The following TCF7L1 variants were observed in gnomAD, a reference collection of about 807,000 sequenced individuals.
The protein encoded by TCF7L1 is transcription factor 7-like 1.
In TCF7L1, 18 loss-of-function variants were observed where a neutral mutation model predicts 63.7. That is an observed-to-expected ratio of 0.28 (90% CI 0.20 to 0.42). The LOEUF is 0.42. Among genes scored for constraint, TCF7L1 ranks in the 10% least tolerant of loss-of-function variants. TCF7L1 has a pLI of 1.00. For missense variants in TCF7L1, 654 were observed against 779.3 expected (o/e 0.84, Z 1.91); for synonymous variants, 355 against 340.9 (o/e 1.04, Z -0.46).
chr2:85,252,344 T>A (rs1001520802), intron 3 of TCF7L1, among the ~76,000 whole-genome samples: 1 of 152,256 alleles, frequency 6.6e-6, no homozygotes, highest in African/African-American at 2.4e-5. Context: ...TTCGCAGGAC[T>A]TGTAGATAAT....
intron 4 of TCF7L1, among the ~76,000 whole-genome samples, chr2:85,286,030 A>G (rs1227771132): frequency 4.6e-5 from 7 of 151,898 alleles, no homozygotes; most frequent in African/African-American, 1.7e-4. Context: ...TGTCTCTACT[A>G]AAAATACAAA....
intron 4 of TCF7L1, among the ~76,000 whole-genome samples, chr2:85,295,964 C>T (rs1681832690): frequency 6.6e-6 from 1 of 151,336 alleles, no homozygotes; most frequent in Non-Finnish European, 1.5e-5. Flanking sequence ...TTTTAGTTGA[C>T]ACAGGATTTC....
At chr2:85,171,205 G>A (rs1261305019) in intron 3 of TCF7L1, among the ~76,000 whole-genome samples, 1 of 152,158 alleles carries the variant, frequency 6.6e-6, no homozygotes, top group Non-Finnish European at 1.5e-5. Context: ...TCACTGTCAC[G>A]TGAACAGCAT....
chr2:85,145,629 G>T (rs1030501467), intron 3 of TCF7L1, among the ~76,000 whole-genome samples: 25 of 152,190 alleles, frequency 1.6e-4, no homozygotes, highest in Non-Finnish European at 2.5e-4. Context: ...GTGTCCTCTA[G>T]CCCTCTGAGC....
intron 3 of TCF7L1, among the ~76,000 whole-genome samples, chr2:85,149,985 C>T (rs1040230300): frequency 3.9e-5 from 6 of 152,162 alleles, no homozygotes; most frequent in Admixed American, 1.3e-4. Context: ...CAAGGACATT[C>T]GCCAAAGTGT....
At chr2:85,197,867 G>A (rs1346371789) in intron 3 of TCF7L1, among the ~76,000 whole-genome samples, 2 of 152,196 alleles carry the variant, frequency 1.3e-5, no homozygotes, top group African/African-American at 4.8e-5. Flanking sequence ...GCAAAGCAGG[G>A]TTCTAGAAGA....
intron 3 of TCF7L1, among the ~76,000 whole-genome samples, chr2:85,258,222 C>A (rs1680767228): frequency 6.6e-6 from 1 of 152,148 alleles, no homozygotes; most frequent in Non-Finnish European, 1.5e-5. Flanking sequence ...TACCCTTAGA[C>A]CTGAGCAGGG....
intron 4 of TCF7L1, among the ~76,000 whole-genome samples, chr2:85,288,256 T>C (rs139654868): frequency 1.1e-3 from 170 of 152,236 alleles, no homozygotes; most frequent in African/African-American, 3.9e-3. Context: ...CCCAAGGATA[T>C]GATTTAATTG....
chr2:85,296,633 G>A (rs1231629969), intron 4 of TCF7L1, among the ~76,000 whole-genome samples: 1 of 152,144 alleles, frequency 6.6e-6, no homozygotes, highest in Non-Finnish European at 1.5e-5. Flanking sequence ...GTTTTAGCAG[G>A]CAGTGATGGT....
At chr2:85,164,365 C>A (rs1678366002) in intron 3 of TCF7L1, among the ~76,000 whole-genome samples, 1 of 152,142 alleles carries the variant, frequency 6.6e-6, no homozygotes, top group South Asian at 2.1e-4. Flanking sequence ...GCCCCTCTTG[C>A]CTAAGATGAA....
intron 5 of TCF7L1, among the ~76,000 whole-genome samples, 156 bp downstream of exon 5, chr2:85,302,772 AT>A (rs1040177250): frequency 4.7e-5 from 7 of 147,534 alleles, no homozygotes; most frequent in Non-Finnish European, 1.0e-4. Context: ...TAGCCTTGTC[AT>A]TTTTTTTTTC....
chr2:85,304,142 C>T, intron 6 of TCF7L1, 113 bp from the exon 7 acceptor site: 1 of 1,300,582 alleles, frequency 7.7e-7, no homozygotes, highest in Non-Finnish European at 1.1e-6. Flanking sequence ...AGCGTGCTCC[C>T]AGCATTACCT....
At chr2:85,141,780 C>A (rs1677745535) in intron 3 of TCF7L1, among the ~76,000 whole-genome samples, 1 of 152,162 alleles carries the variant, frequency 6.6e-6, no homozygotes, top group Non-Finnish European at 1.5e-5. Context: ...GGTGTCCCCC[C>A]AGCTTTAAAG....
intron 4 of TCF7L1, among the ~76,000 whole-genome samples, chr2:85,294,045 T>TTTTTTTTTTC (rs1558658905): frequency 2.2e-4 from 25 of 113,446 alleles, no homozygotes; most frequent in East Asian, 3.3e-4. Flanking sequence ...TTTTTTTTTT[T>TTTTTTTTTTC]TTTTTTTTTG....
rs555240974 is a variant in TCF7L1 at position 85,166,564 on chromosome 2, C to G, written c.441+32114C>G. 5.3e-5 allele frequency among the ~76,000 whole-genome samples: 8 copies of G among 152,290 alleles called. No individual in the cohort carries two copies. The South Asian group carries it at 1.7e-3, about 32-fold the overall frequency. On this transcript the variant is annotated intron_variant, in intron 3 of 11. Transcript: ENST00000282111. ...TGGTGGGCATGGGGGTACCCAGGAGCCCTGCCCTATCCTTCCCATGCACAC... is the reference window on the plus strand; with the variant it reads ...TGGTGGGCATGGGGGTACCCAGGAGGCCTGCCCTATCCTTCCCATGCACAC...
At chr2:85,228,952 C>T (rs185556034) in intron 3 of TCF7L1, among the ~76,000 whole-genome samples, 18 of 141,350 alleles carry the variant, frequency 1.3e-4, no homozygotes, top group Admixed American at 2.2e-4. Flanking sequence ...ACCCAGGAGG[C>T]GGAGCTTGCA....
At chr2:85,257,523 T>C (rs964082739) in intron 3 of TCF7L1, among the ~76,000 whole-genome samples, 1 of 152,166 alleles carries the variant, frequency 6.6e-6, no homozygotes, top group African/African-American at 2.4e-5. Context: ...CTCATGGGAT[T>C]TGAAGAAAGC....
intron 3 of TCF7L1, among the ~76,000 whole-genome samples, chr2:85,232,426 C>T (rs1680103052): frequency 6.6e-6 from 1 of 152,042 alleles, no homozygotes; most frequent in Admixed American, 6.5e-5. Flanking sequence ...CTCCATGGCC[C>T]AAAGCTGTTC....
At chr2:85,191,682 G>T (rs1679040202) in intron 3 of TCF7L1, among the ~76,000 whole-genome samples, 1 of 152,076 alleles carries the variant, frequency 6.6e-6, no homozygotes, top group Admixed American at 6.6e-5. Context: ...AAGATTAGGT[G>T]GGTGTGGTGG....
Sources: gnomAD v4.1 joint callset for allele counts (sites outside exome capture counted in the v4.1 genomes callset) on GRCh38, gnomAD v4.1.1 for gene constraint, MANE v1.5 for transcripts, NCBI Gene and HGNC (gene_info 2026-07-23, HGNC 2026-07-21) for gene names.